Variants in DLG5 observed in about 807,000 individuals in gnomAD.
DLG5 encodes the protein disks large homolog 5.
Under a neutral mutation model 189.8 loss-of-function variants are expected in DLG5, and 48 were observed. The observed-to-expected ratio is 0.25, with a 90% confidence interval of 0.20 to 0.32. DLG5 has a LOEUF of 0.32. DLG5 is among the 10% of genes least tolerant of loss of function. The probability of loss-of-function intolerance (pLI) is 1.00; values close to 1 mark genes in which losing one functional copy is unlikely to be tolerated. For synonymous variants in DLG5, 1,016 were observed against 1,054.1 expected, an observed-to-expected ratio of 0.96 and a Z score of 0.70; for missense variants, 2,160 against 2,544.7, an observed-to-expected ratio of 0.85 and a Z score of 3.25.
At chr10:77,881,892 G>C (rs1257106147) in intron 1 of DLG5, among the ~76,000 whole-genome samples, 1 of 152,230 alleles carries the variant, frequency 6.6e-6, no homozygotes, top group Non-Finnish European at 1.5e-5. Context: ...AGGCTTCACA[G>C]GTCGGGGACA....
chr10:77,856,741 G>A lies in DLG5; in HGVS notation c.525C>T (p.Ala175=). The change falls in exon 3 of 32, where the codon GCC becomes GCT. Residue 175 remains alanine (A), a synonymous_variant. Coordinates refer to ENST00000372391, the MANE Select transcript of DLG5 (RefSeq NM_004747.4). ...KRLAFATHGT[A]FDKRPYHRLN... is the part of the protein sequence containing the mutation. ...GGCGCAATTACTACCTCTTGTCAAA[G>A]GCCGTGCCATGCGTAGCAAAGGCCA... The A allele has an allele frequency of 1.2e-6, 2 of 1,613,218 alleles. No homozygotes were observed. The highest frequency in any genetic ancestry group is 2.7e-5 in the African/African-American group (2 of 75,016).
chr10:77,897,752 GGAAAAA>G (rs1345147860), intron 1 of DLG5, among the ~76,000 whole-genome samples: 3 of 149,120 alleles, frequency 2.0e-5, no homozygotes, highest in Non-Finnish European at 4.4e-5. Flanking sequence ...AGAAAAGAGA[GGAAAAA>G]GAAAAAGATC....
intron 2 of DLG5, among the ~76,000 whole-genome samples, chr10:77,858,830 A>G (rs1292721480): frequency 6.6e-6 from 1 of 152,204 alleles, no homozygotes; most frequent in East Asian, 1.9e-4. Context: ...GGATATAAAG[A>G]AAGAAAATAT....
rs775960259 is a variant in DLG5, at chr10:77,822,106, G to C, written c.2383-5C>G. ...CGAGGAGCTCTGAGGGAATACCTAG[G>C]CAGGGATTGCAGAGGAGTGAGAGAG... On this transcript the variant is annotated splice_polypyrimidine_tract_variant and splice_region_variant and intron_variant, in intron 14 of 31. Transcript: ENST00000372391. 1.9e-6 allele frequency: 3 copies of C among 1,606,582 alleles called. No individual in the cohort carries two copies. The African/African-American group carries it at 4.0e-5, about 22-fold the overall frequency.
chr10:77,879,957 T>G (rs115835983), intron 1 of DLG5, among the ~76,000 whole-genome samples: 1 of 152,054 alleles, frequency 6.6e-6, no homozygotes, highest in Non-Finnish European at 1.5e-5. Context: ...AGATGTAATC[T>G]GAGAATTGTC....
rs1276113678 is a variant in DLG5, at chr10:77,806,790, C to T, written c.4935G>A (p.Lys1645=). ...MAWQLDENAQ[K]IQRGQIPSKY... ...TGCTGGGAATCTGCCCGCGCTGGAT[C>T]TTCTGGGCATTCTCGTCCAGCTGCC... Residue 1645 remains lysine (K), a synonymous_variant, in exon 26 of 32, where the codon AAG becomes AAA. Coordinates refer to ENST00000372391, the MANE Select transcript of DLG5 (RefSeq NM_004747.4). The T allele has an allele frequency of 6.4e-7, 1 of 1,557,750 alleles. No individual in the cohort carries two copies. The highest frequency in any genetic ancestry group is 8.7e-7 in the Non-Finnish European group (1 of 1,143,226).
intron 27 of DLG5, among the ~76,000 whole-genome samples, chr10:77,804,203 T>C (rs1351028868): frequency 6.6e-6 from 1 of 152,216 alleles, no homozygotes; most frequent in Non-Finnish European, 1.5e-5. Flanking sequence ...AAACTTTTTC[T>C]ATAAGGGGCA....
At chr10:77,809,802 T>A in intron 23 of DLG5, 72 bp from the exon 24 acceptor site, 1 of 1,516,380 alleles carries the variant, frequency 6.6e-7, no homozygotes, top group East Asian at 2.3e-5. Flanking sequence ...CAGTGGCCAA[T>A]GCCCTAACCG....
intron 11 of DLG5, 126 bp downstream of exon 11, chr10:77,830,090 TG>T (rs928425380): frequency 6.6e-6 from 8 of 1,220,380 alleles, no homozygotes; most frequent in Admixed American, 2.3e-5. Context: ...CTGCAGGCCT[TG>T]GACAGACTGT....
chr10:77,820,117 G>A lies in DLG5; in HGVS notation c.3403-99C>T, dbSNP rs1043534035. Reference sequence around the variant, plus strand: ...TCCCAGCACTCTGGGAGGCCGAGGCGGGCAGATCACCTAAGGTCAGGAGTT... The same window carrying A: ...TCCCAGCACTCTGGGAGGCCGAGGCAGGCAGATCACCTAAGGTCAGGAGTT... On this transcript the variant is annotated intron_variant, in intron 15 of 31. Coordinates refer to ENST00000372391, the MANE Select transcript of DLG5 (RefSeq NM_004747.4). 22 of 1,523,354 alleles carry A rather than the reference G, an allele frequency of 1.4e-5. No individual in the cohort carries two copies. The Admixed American group carries it at 1.6e-4, about 11-fold the overall frequency. 94.4% of individuals were successfully genotyped at this position (1,523,354 alleles called of 1,614,324 possible).
intron 2 of DLG5, among the ~76,000 whole-genome samples, chr10:77,861,403 C>T (rs1844464263): frequency 1.3e-5 from 2 of 152,150 alleles, no homozygotes; most frequent in Non-Finnish European, 2.9e-5. Context: ...AATTTTCATC[C>T]CCATTGTATA....
Position 77,816,701 on chromosome 10 carries a change from C to T in DLG5, c.3875G>A (p.Gly1292Asp). The change falls in exon 20 of 32, where the codon GGT (glycine) becomes GAT (aspartate). Residue 1292 changes from glycine to aspartate, a missense_variant and splice_region_variant. By Grantham distance (94) the Gly-to-Asp change is moderately conservative (BLOSUM62 -1). Coordinates refer to ENST00000372391, the MANE Select transcript of DLG5 (RefSeq NM_004747.4). ...GCTGCATTCAGAATGTGACACTGAA[C>T]CTGCAGAGAGGAGCGGGTAATGCCG... The part of the protein sequence containing the change: ...YPRSVVGSER[G>D]SVSHSECSTP... 6.2e-7 allele frequency: 1 copy of T among 1,604,494 alleles called. No homozygotes were observed. Among genetic ancestry groups the T allele is most frequent in the African/African-American group, 1.3e-5 (1 of 74,944 alleles).
chr10:77,841,873 C>G lies in DLG5; in HGVS notation c.1437+8G>C. The G allele has an allele frequency of 6.9e-6, 11 of 1,602,996 alleles. No homozygotes were observed. Among genetic ancestry groups the G allele is most frequent in the Non-Finnish European group, 9.4e-6 (11 of 1,173,002 alleles). On this transcript the variant is annotated splice_region_variant and intron_variant, in intron 7 of 31. Transcript: ENST00000372391. Reference sequence around the variant, plus strand: ...GGCTGAAAGCCAGCCACCGGCCCACCCACCTACCTGCCGCAGCGCCTCCAT... The same window carrying G: ...GGCTGAAAGCCAGCCACCGGCCCACGCACCTACCTGCCGCAGCGCCTCCAT...
intron 1 of DLG5, among the ~76,000 whole-genome samples, chr10:77,887,154 C>T (rs181041549): frequency 1.4e-4 from 21 of 152,336 alleles, no homozygotes; most frequent in Middle Eastern, 3.4e-3. Context: ...CCAGGACAAA[C>T]GTATTGCTGT....
chr10:77,837,414 G>A (rs770973921), intron 7 of DLG5, among the ~76,000 whole-genome samples: 2 of 152,098 alleles, frequency 1.3e-5, no homozygotes, highest in African/African-American at 2.4e-5. Context: ...GGAGGCCCCA[G>A]GTGCAGACAG....
At position 77,805,772 on chromosome 10, in the gene DLG5, C is replaced by G. The variant is rs1161241786; in HGVS notation, c.5057G>C (p.Arg1686Pro). Reference protein sequence around the residue: ...ATKTLSAAARRSFFRRKHKHK... With the variant: ...ATKTLSAAARPSFFRRKHKHK... ...CTTGTGTTTCCTCCGAAAAAAGGAC[C>G]GGCGTGCAGCCGCTGACAGCGTCTT... Residue 1686 changes from arginine (R) to proline (P), a missense_variant, in exon 27 of 32, where the codon CGG becomes CCG. By Grantham distance (103) the Arg-to-Pro change is moderately radical. This residue lies in a region of DLG5 where 574 missense variants were observed against 644.2 expected (regional missense o/e 0.89). Transcript: ENST00000372391. The G allele has an allele frequency of 6.2e-7, 1 of 1,614,140 alleles. No individual in the cohort carries two copies. Among genetic ancestry groups the G allele is most frequent in the South Asian group, 1.1e-5 (1 of 91,080 alleles).
intron 1 of DLG5, among the ~76,000 whole-genome samples, chr10:77,908,102 G>C (rs1334837980): frequency 1.3e-5 from 2 of 152,050 alleles, no homozygotes; most frequent in Non-Finnish European, 2.9e-5. Flanking sequence ...GGAAAGCAGA[G>C]GTACCCTCAG....
At chr10:77,865,883 CCGCCTGAGAGAA>C in intron 2 of DLG5, among the ~76,000 whole-genome samples, 1 of 152,266 alleles carries the variant, frequency 6.6e-6, no homozygotes, top group South Asian at 2.1e-4. Context: ...ACCCGACAGA[CCGCCTGAGAGAA>C]CGCTGTCTAC....
intron 5 of DLG5, among the ~76,000 whole-genome samples, chr10:77,851,357 T>C (rs1430141737): frequency 1.3e-5 from 2 of 152,236 alleles, no homozygotes; most frequent in Non-Finnish European, 2.9e-5. Flanking sequence ...TGGGCAGTAC[T>C]GACCAGAGCT....
Sources: gnomAD v4.1 joint callset for allele counts (sites outside exome capture counted in the v4.1 genomes callset) on GRCh38, gnomAD v4.1.1 for gene constraint, gnomAD v4.1.1 regional missense constraint, MANE v1.5 for transcripts, NCBI Gene and HGNC (gene_info 2026-07-23, HGNC 2026-07-21) for gene names.